Variants in ZNF195 observed in about 807,000 individuals in gnomAD.
ZNF195 encodes hypoxia-regulated factor-1.
Under a neutral mutation model 19.5 loss-of-function variants are expected in ZNF195, and 11 were observed. The observed-to-expected ratio is 0.57, with a 90% CI of 0.36 to 0.94. The LOEUF (loss-of-function observed/expected upper bound fraction) is 0.94, where lower values mean the gene tolerates loss of function less well. Ranked by LOEUF, ZNF195 falls within the 40% of genes least tolerant of loss-of-function variation. The pLI is 0.01. For missense variants in ZNF195, 582 were observed against 709.0 expected, an observed-to-expected ratio of 0.82 and a Z score of 2.03; for synonymous variants, 214 against 248.1, an observed-to-expected ratio of 0.86 and a Z score of 1.29.
chr11:3,375,990 G>C (rs934966738), intron 1 of ZNF195, among the ~76,000 whole-genome samples: 3 of 152,080 alleles, frequency 2.0e-5, no homozygotes, highest in African/African-American at 7.2e-5. Flanking sequence ...CCTTCTCCCT[G>C]TTGCAATCCT....
intron 3 of ZNF195, chr11:3,368,770 A>G (rs1259707810): frequency 3.8e-5 from 17 of 451,786 alleles, no homozygotes; most frequent in Non-Finnish European, 1.8e-5. Context: ...CCCAGAATTA[A>G]ACTCATGCAT....
Position 3,379,033 on chromosome 11 carries a change from C to T in ZNF195, c.3+5G>A, listed in dbSNP as rs553338408. 3.3e-6 allele frequency: 5 copies of T among 1,494,144 alleles called. No homozygotes were observed. In the Admixed American group the frequency reaches 1.0e-4, roughly 31 times the overall value. The allele number at this position is 1,494,144 out of a possible 1,614,324, so 92.6% of individuals were successfully genotyped here. ...TCTCTCAGGAGGCCTGGCCCCTACA[C>T]TCACCATCTCCTGGCCTCCAGAGAG... On this transcript the variant is annotated splice_donor_5th_base_variant and intron_variant, in intron 1 of 5. Transcript: ENST00000399602.
rs777865994 is a variant in ZNF195 at position 3,360,229 on chromosome 11, G to A, written c.779C>T (p.Thr260Ile). The A allele has an allele frequency of 1.2e-6, 2 of 1,614,016 alleles. No individual in the cohort carries two copies. Among genetic ancestry groups the A allele is most frequent in the African/African-American group, 2.7e-5 (2 of 75,018 alleles). ...TCCAGTGTGAATTTTCTGATGTTCA[G>A]TTAGGAATGAGAGCATTTGAAAGGA... ...GKSFQMLSFLTEHQKIHTGKK... is the reference protein window; with the variant it reads ...GKSFQMLSFLIEHQKIHTGKK... Residue 260 changes from threonine to isoleucine, a missense_variant, in exon 6 of 6, where the codon ACT becomes ATT. By Grantham distance (89) the Thr-to-Ile change is moderately conservative (BLOSUM62 -1). This residue lies in a region of ZNF195 where 407 missense variants were observed against 530.5 expected (regional missense o/e 0.77). Coordinates refer to ENST00000399602, the MANE Select transcript of ZNF195 (RefSeq NM_001130520.3).
intron 1 of ZNF195, chr11:3,375,514 A>G (rs965497955): frequency 6.6e-6 from 1 of 152,148 alleles, no homozygotes; most frequent in Admixed American, 6.5e-5. Flanking sequence ...ACATCAGGAA[A>G]ATGGCCCAAA....
intron 3 of ZNF195, chr11:3,363,396 T>A (rs2133679505): frequency 6.6e-6 from 1 of 152,292 alleles, no homozygotes; most frequent in Middle Eastern, 3.4e-3. Flanking sequence ...GGCCACCTGT[T>A]AAACAAATAA....
At position 3,359,815 on chromosome 11, in the gene ZNF195, G is replaced by A; in HGVS notation, c.1193C>T (p.Ser398Phe). 6.2e-7 allele frequency: 1 copy of A among 1,614,020 alleles called. No homozygotes were observed. Among genetic ancestry groups the A allele is most frequent in the East Asian group, 2.2e-5 (1 of 44,870 alleles). ...TCCAATCTCATTTCTCTGGTGTTTG[G>A]AAGGATTTGGGCTGTGGTTAAAACC... is the stretch of plus-strand genomic sequence containing the variant. ...YKGFNHSPNP[S>F]KHQRNEIGGK... is the part of the protein sequence containing the mutation. The change falls in exon 6 of 6, where the codon TCC (serine) becomes TTC (phenylalanine). Residue 398 changes from serine (S) to phenylalanine (F), a missense_variant. By Grantham distance (155) the Ser-to-Phe change is radical. Around this residue, in one of 3 missense-constraint regions of ZNF195, gnomAD observed 407 missense variants for 530.5 expected, o/e 0.77. Coordinates refer to ENST00000399602, the MANE Select transcript of ZNF195 (RefSeq NM_001130520.3). The surrounding 1 kb of genome is among the most constrained non-coding windows in gnomAD (Gnocchi z 5.5).
intron 3 of ZNF195, among the ~76,000 whole-genome samples, chr11:3,370,017 G>A (rs1398958717): frequency 6.6e-6 from 1 of 151,984 alleles, no homozygotes; most frequent in Non-Finnish European, 1.5e-5. Context: ...AAAATAATCT[G>A]TTACACATAT....
At chr11:3,367,018 T>C (rs1366325360) in intron 3 of ZNF195, 4 of 445,766 alleles carry the variant, frequency 9.0e-6, no homozygotes, top group Non-Finnish European at 1.8e-5. Context: ...TGAGCTGAGA[T>C]GGCACCACTG....
intron 1 of ZNF195, chr11:3,377,521 C>T: frequency 5.2e-6 from 5 of 967,812 alleles, no homozygotes; most frequent in Non-Finnish European, 6.3e-6. Context: ...GGTCTTTTCC[C>T]TCTGACAGGG....
At chr11:3,378,936 G>A in intron 1 of ZNF195, 102 bp downstream of exon 1, 2 of 1,267,992 alleles carry the variant, frequency 1.6e-6, no homozygotes, top group East Asian at 6.3e-5. Flanking sequence ...CGGGTCCGCG[G>A]AGCCCGGAAC....
chr11:3,361,655 CATT>C, intron 4 of ZNF195, 85 bp downstream of exon 4: 1 of 1,106,232 alleles, frequency 9.0e-7, no homozygotes. Flanking sequence ...ACATAAGACA[CATT>C]ATAACCACAG....
At chr11:3,375,836 G>A (rs1849435651) in intron 1 of ZNF195, among the ~76,000 whole-genome samples, 1 of 152,180 alleles carries the variant, frequency 6.6e-6, no homozygotes, top group Non-Finnish European at 1.5e-5. Context: ...TACAACAGAA[G>A]CACAGATAGA....
chr11:3,359,897 T>A lies in ZNF195; in HGVS notation c.1111A>T (p.Asn371Tyr), dbSNP rs1191969999. 1.9e-6 allele frequency: 3 copies of A among 1,614,236 alleles called. No homozygotes were observed. The South Asian group carries it at 3.3e-5, about 18-fold the overall frequency. Residue 371 changes from asparagine (N) to tyrosine (Y), a missense_variant, in exon 6 of 6, where the codon AAT becomes TAT. Physicochemically the swap from Asn to Tyr is moderately radical, Grantham distance 143. Transcript: ENST00000399602. This position sits in a 1 kb window ranked among gnomAD's most constrained non-coding sequence, Gnocchi z 5.5. ...SVFISCSSLS[N>Y]QQMILAGEKL... ...TCTCCAGCAAGAATCATCTGTTGAT[T>A]AGAAAGGCTTGAGCAAGAGATAAAG...
chr11:3,377,140 T>C (rs1250852285), intron 1 of ZNF195, among the ~76,000 whole-genome samples: 1 of 152,242 alleles, frequency 6.6e-6, no homozygotes, highest in African/African-American at 2.4e-5. Flanking sequence ...CCTTTGTAAG[T>C]ATTTTCTTAC....
At position 3,359,364 on chromosome 11, in the gene ZNF195, T is replaced by A. The variant is rs769283276; in HGVS notation, c.1644A>T (p.Lys548Asn). Residue 548 changes from lysine (K) to asparagine (N), a missense_variant, in exon 6 of 6, where the codon AAA (lysine) becomes AAT (asparagine). This residue lies in a region of ZNF195 where 407 missense variants were observed against 530.5 expected (regional missense o/e 0.77). Transcript: ENST00000399602. This position sits in a 1 kb window ranked among gnomAD's most constrained non-coding sequence, Gnocchi z 5.5. Reference sequence around the variant, plus strand: ...TGCCACATTCTTCACACTTGTAGGGTTTCTCTCCAGTATGAATTCTCTTAT... The same window carrying A: ...TGCCACATTCTTCACACTTGTAGGGATTCTCTCCAGTATGAATTCTCTTAT... ...IVHKRIHTGE[K>N]PYKCEECGRV... The A allele has an allele frequency of 6.2e-7, 1 of 1,614,084 alleles. No homozygotes were observed. Among genetic ancestry groups the A allele is most frequent in the Non-Finnish European group, 8.5e-7 (1 of 1,179,988 alleles).
intron 1 of ZNF195, chr11:3,377,492 A>G: frequency 1.2e-6 from 1 of 818,850 alleles, no homozygotes; most frequent in African/African-American, 1.8e-5. Flanking sequence ...CTGAGAGTCC[A>G]AAGGGCAGAA....
At position 3,360,424 on chromosome 11, in the gene ZNF195, C is replaced by A; in HGVS notation, c.584G>T (p.Cys195Phe). The change falls in exon 6 of 6, where the codon TGT becomes TTT. Residue 195 changes from cysteine (C) to phenylalanine (F), a missense_variant. Cys to Phe is a radical substitution (Grantham distance 205). Coordinates refer to ENST00000399602, the MANE Select transcript of ZNF195 (RefSeq NM_001130520.3). Reference sequence around the variant, plus strand: ...TCCATTATAATCTTTTTGCAACTTACACTCATCTAAACTTTCCCAGTCTTT... The same window carrying A: ...TCCATTATAATCTTTTTGCAACTTAAACTCATCTAAACTTTCCCAGTCTTT... ...LRKDWESLDE[C>F]KLQKDYNGLN... The A allele has an allele frequency of 6.2e-7, 1 of 1,612,916 alleles. No homozygotes were observed. The highest frequency in any genetic ancestry group is 1.1e-5 in the South Asian group (1 of 90,906).
In ZNF195 at chr11:3,359,993, A is replaced by C; in HGVS notation, c.1015T>G (p.Cys339Gly). 1 of 1,614,090 alleles carries C rather than the reference A, an allele frequency of 6.2e-7. No homozygotes were observed. Among genetic ancestry groups the C allele is most frequent in the Non-Finnish European group, 8.5e-7 (1 of 1,180,024 alleles). The stretch of plus-strand genomic sequence containing the variant: ...TGCTCATGTTCAGTAAGGTGGGAGC[A>C]CTGGTTAAATACTTTGCCAAATTCT... The part of the protein sequence containing the change: ...CEEFGKVFNQ[C>G]SHLTEHEHGT... The change falls in exon 6 of 6, where the codon TGC becomes GGC. Residue 339 changes from cysteine (C) to glycine (G), a missense_variant. Physicochemically the swap from Cys to Gly is radical, Grantham distance 159. Transcript: ENST00000399602. The surrounding 1 kb of genome is among the most constrained non-coding windows in gnomAD (Gnocchi z 5.5).
intron 3 of ZNF195, 170 bp from the exon 4 acceptor site, chr11:3,362,059 C>CA: frequency 6.9e-6 from 3 of 437,136 alleles, no homozygotes; most frequent in Admixed American, 2.5e-5. Context: ...ATCCCTGTCT[C>CA]AAAAAAAGTA....
Sources: gnomAD v4.1 joint callset for allele counts (sites outside exome capture counted in the v4.1 genomes callset) on GRCh38, gnomAD v4.1.1 for gene constraint, gnomAD v4.1.1 regional missense constraint, Gnocchi (gnomAD v3.1) non-coding constraint, MANE v1.5 for transcripts, NCBI Gene and HGNC (gene_info 2026-07-23, HGNC 2026-07-21) for gene names.